Variants in FOXJ3 observed in about 807,000 individuals in gnomAD.
FOXJ3 encodes the protein forkhead box J3.
FOXJ3 carries 22 observed loss-of-function variants against 76.1 expected under a neutral mutation model. That is an observed-to-expected ratio of 0.29 (90% confidence interval 0.21 to 0.41). The LOEUF is 0.41. Among genes scored for constraint, FOXJ3 ranks in the 10% least tolerant of loss-of-function variants. The probability of loss-of-function intolerance (pLI) is 1.00; values close to 1 mark genes in which losing one functional copy is unlikely to be tolerated. For missense variants in FOXJ3, 613 were observed against 762.1 expected (o/e 0.80, Z 2.30); for synonymous variants, 269 against 261.2 (o/e 1.03, Z -0.29).
intron 2 of FOXJ3, among the ~76,000 whole-genome samples, chr1:42,290,673 C>T (rs1413892367): frequency 6.6e-6 from 1 of 152,114 alleles, no homozygotes; most frequent in Non-Finnish European, 1.5e-5. Flanking sequence ...AACATCTGAA[C>T]TGTGCTGTCT....
intron 4 of FOXJ3, among the ~76,000 whole-genome samples, chr1:42,247,016 G>A (rs777895286): frequency 6.6e-6 from 1 of 152,140 alleles, no homozygotes; most frequent in Non-Finnish European, 1.5e-5. Flanking sequence ...GTCCCCAGAG[G>A]ATGGGAAGAG....
intron 1 of FOXJ3, among the ~76,000 whole-genome samples, chr1:42,322,750 C>G (rs1284872047): frequency 6.6e-6 from 1 of 152,006 alleles, no homozygotes; most frequent in Non-Finnish European, 1.5e-5. Context: ...TGAATCTACT[C>G]AAAGAACTTG....
intron 2 of FOXJ3, among the ~76,000 whole-genome samples, chr1:42,305,371 C>G (rs147354654): frequency 6.6e-6 from 1 of 152,192 alleles, no homozygotes; most frequent in East Asian, 1.9e-4. Flanking sequence ...AGTAGAGCTA[C>G]CATAAGATCC....
chr1:42,188,716 A>G (rs1226283857), intron 11 of FOXJ3, 21 bp downstream of exon 11: 4 of 1,432,542 alleles, frequency 2.8e-6, no homozygotes, highest in Non-Finnish European at 3.7e-6. Flanking sequence ...AGAAAAATCA[A>G]GAAGATAACT....
Position 42,197,088 on chromosome 1 carries a change from C to T in FOXJ3, c.759+2014G>A, listed in dbSNP as rs13374808. Among the ~76,000 whole-genome samples the T allele has an allele frequency of 4.6e-3, 704 of 152,250 alleles. 4 individuals carry two copies. Among genetic ancestry groups the T allele is most frequent in the African/African-American group, 0.016 (678 of 41,546 alleles). On this transcript the variant is annotated intron_variant, in intron 7 of 12. Transcript: ENST00000361346. ...TTTCTAATCTCTGCATATCAAGGAACGTCTTTCTCTTGCCTTCACATATGA... is the reference window on the plus strand; with the variant it reads ...TTTCTAATCTCTGCATATCAAGGAATGTCTTTCTCTTGCCTTCACATATGA...
chr1:42,313,913 T>C (rs1654957150), intron 1 of FOXJ3, among the ~76,000 whole-genome samples: 1 of 152,234 alleles, frequency 6.6e-6, no homozygotes, highest in Non-Finnish European at 1.5e-5. Context: ...TCTTCATCTC[T>C]AGCAGAGATC....
chr1:42,230,340 AC>A (rs1647975334), intron 4 of FOXJ3, among the ~76,000 whole-genome samples: 1 of 152,146 alleles, frequency 6.6e-6, no homozygotes, highest in Non-Finnish European at 1.5e-5. Flanking sequence ...ATCAAAAAAA[AC>A]AGAAAATAGC....
chr1:42,307,872 C>T (rs912872929), intron 2 of FOXJ3, among the ~76,000 whole-genome samples: 2 of 152,144 alleles, frequency 1.3e-5, no homozygotes, highest in African/African-American at 2.4e-5. Flanking sequence ...CATAAAAATA[C>T]AGTAAGTCTA....
At chr1:42,210,853 C>A (rs575229722) in intron 5 of FOXJ3, among the ~76,000 whole-genome samples, 1 of 152,226 alleles carries the variant, frequency 6.6e-6, no homozygotes, top group Admixed American at 6.5e-5. Context: ...AGTGTGGCAA[C>A]CCCACTGAGC....
intron 2 of FOXJ3, among the ~76,000 whole-genome samples, chr1:42,306,298 C>CTTTTTTTTTTTTTTTTTTTTTTTTTTTTT (rs9326121): frequency 1.2e-5 from 1 of 81,692 alleles, no homozygotes; most frequent in Non-Finnish European, 2.3e-5. Context: ...GAACTTTTTT[C>CTTTTTTTTTTTTTTTTTTTTTTTTTTTTT]TTTTTTTTTT....
Position 42,179,179 on chromosome 1 carries a change from A to C in FOXJ3, c.*531T>G, listed in dbSNP as rs578085710. 1 of 152,734 alleles carries C rather than the reference A, an allele frequency of 6.5e-6. No homozygotes were observed. Among genetic ancestry groups the C allele is most frequent in the South Asian group, 2.1e-4 (1 of 4,826 alleles). 9.5% of individuals were successfully genotyped at this position (152,734 alleles called of 1,614,324 possible). On this transcript the variant is annotated 3_prime_UTR_variant, in exon 13 of 13. Transcript: ENST00000361346. ...TTACCCACATTTCTAAAAAAGATTA[A>C]ATAAGGGGAACTGGGTTTTGGAAAA... is the stretch of plus-strand genomic sequence containing the variant.
intron 1 of FOXJ3, among the ~76,000 whole-genome samples, chr1:42,313,722 C>T (rs1015827225): frequency 6.6e-6 from 1 of 152,160 alleles, no homozygotes; most frequent in Non-Finnish European, 1.5e-5. Flanking sequence ...AACACACTTT[C>T]GTGGGGAACC....
chr1:42,238,121 C>G (rs1648845166), intron 4 of FOXJ3, among the ~76,000 whole-genome samples: 1 of 152,104 alleles, frequency 6.6e-6, no homozygotes, highest in Non-Finnish European at 1.5e-5. Flanking sequence ...CAACCTCCAC[C>G]TCCCAGATTC....
At position 42,276,221 on chromosome 1, in the gene FOXJ3, T is replaced by C. The variant is rs1008013122; in HGVS notation, c.369+2127A>G. Among the ~76,000 whole-genome samples, 5 of 151,462 alleles carry C rather than the reference T, an allele frequency of 3.3e-5. No homozygotes were observed. In the East Asian group the frequency reaches 9.7e-4, roughly 30 times the overall value. ...AAATATAAAAATTAGCCAGGCACAGTGGTGGGCGCCTGTAATCCCAGCTAC... is the reference window on the plus strand; with the variant it reads ...AAATATAAAAATTAGCCAGGCACAGCGGTGGGCGCCTGTAATCCCAGCTAC... On this transcript the variant is annotated intron_variant, in intron 3 of 12. Coordinates refer to ENST00000361346, the MANE Select transcript of FOXJ3 (RefSeq NM_014947.5).
intron 2 of FOXJ3, 30 bp from the exon 3 acceptor site, chr1:42,278,702 T>C (rs961121519): frequency 6.8e-7 from 1 of 1,476,480 alleles, no homozygotes; most frequent in African/African-American, 1.4e-5. Flanking sequence ...TTAGTCAATA[T>C]CAAGGAAAGA....
At chr1:42,317,514 TA>T (rs11365048) in intron 1 of FOXJ3, among the ~76,000 whole-genome samples, 67,756 of 106,548 alleles carry the variant, frequency 0.64, 19,562 homozygotes, top group Admixed American at 0.72. Flanking sequence ...AGAGAAACCA[TA>T]AAAAAAAAAA....
At chr1:42,191,141 C>T (rs1159916833) in intron 9 of FOXJ3, among the ~76,000 whole-genome samples, 162 bp downstream of exon 9, 1 of 152,116 alleles carries the variant, frequency 6.6e-6, no homozygotes, top group Non-Finnish European at 1.5e-5. Flanking sequence ...TCAAGAAAGT[C>T]GCCAGGTCAG....
chr1:42,237,593 T>C (rs1174169980), intron 4 of FOXJ3, among the ~76,000 whole-genome samples: 3 of 151,540 alleles, frequency 2.0e-5, no homozygotes, highest in Admixed American at 1.3e-4. Context: ...TCTGTTTTCA[T>C]AATGGAACCT....
At chr1:42,297,529 T>A (rs1283418804) in intron 2 of FOXJ3, among the ~76,000 whole-genome samples, 1 of 152,220 alleles carries the variant, frequency 6.6e-6, no homozygotes, top group African/African-American at 2.4e-5. Context: ...ATCATACAGT[T>A]TTGGGGTTTG....
Sources: allele counts gnomAD v4.1 joint callset (sites outside exome capture counted in the v4.1 genomes callset), GRCh38; gene constraint gnomAD v4.1.1; transcripts MANE v1.5; gene names NCBI Gene and HGNC (gene_info 2026-07-23, HGNC 2026-07-21).